The following BACH1 variants were observed in gnomAD, a reference collection of about 807,000 sequenced individuals.
BACH1 encodes BTB domain and CNC homolog 1.
A neutral mutation model predicts 52.9 loss-of-function variants in BACH1; 35 were observed. That is an observed-to-expected ratio of 0.66 (90% CI 0.51 to 0.88). The LOEUF (loss-of-function observed/expected upper bound fraction) is 0.88. Among genes scored for constraint, BACH1 ranks in the 40% least tolerant of loss-of-function variants. The pLI is 0.00. For synonymous variants in BACH1, 321 were observed against 319.6 expected (o/e 1.00, Z -0.05); for missense variants, 808 against 872.6 (o/e 0.93, Z 0.93).
At chr21:29,342,198 T>C (rs2089121476) in intron 4 of BACH1, among the ~76,000 whole-genome samples, 1 of 152,224 alleles carries the variant, frequency 6.6e-6, no homozygotes, top group East Asian at 1.9e-4. Context: ...AAATGCTTTG[T>C]GCCAAAATAC....
At chr21:29,355,005 C>T (rs1569027512) in intron 2 of BACH1, among the ~76,000 whole-genome samples, 2 of 152,142 alleles carry the variant, frequency 1.3e-5, no homozygotes, top group Admixed American at 1.3e-4. Context: ...GATCTTGCAG[C>T]AGCAAGATTT....
At chr21:29,356,827 A>G (rs1165756526) in intron 2 of BACH1, among the ~76,000 whole-genome samples, 1 of 150,658 alleles carries the variant, frequency 6.6e-6, no homozygotes, top group African/African-American at 2.4e-5. Context: ...AATAGGGTAC[A>G]CTGTTTTTCC....
In BACH1 at chr21:29,321,503, C is replaced by T; in HGVS notation, c.223C>T (p.Leu75Phe). 3.1e-6 allele frequency: 5 copies of T among 1,613,380 alleles called. No individual in the cohort carries two copies. The highest frequency in any genetic ancestry group is 4.2e-6 in the Non-Finnish European group (5 of 1,179,314). Reference sequence around the variant, plus strand: ...GGCTGATGGAGAGCTGAACATTACTCTTCCAGAAGAGGTGAGAGATCCATG... The same window carrying T: ...GGCTGATGGAGAGCTGAACATTACTTTTCCAGAAGAGGTGAGAGATCCATG... Reference protein sequence around the residue: ...GQADGELNITLPEEVTVKGFE... With the variant: ...GQADGELNITFPEEVTVKGFE... The change falls in exon 2 of 5, where the codon CTT becomes TTT. Residue 75 changes from leucine to phenylalanine, a missense_variant. Leu to Phe is a conservative substitution (Grantham distance 22). Transcript: ENST00000286800.
intron 1 of BACH1, among the ~76,000 whole-genome samples, chr21:29,319,417 G>GT (rs2088823724): frequency 6.6e-6 from 1 of 151,912 alleles, no homozygotes; most frequent in South Asian, 2.1e-4. Flanking sequence ...TAGGAGGACT[G>GT]TTTTTTCTGA....
chr21:29,342,410 G>A lies in BACH1; in HGVS notation c.1788G>A (p.Lys596=). 6.2e-7 allele frequency: 1 copy of A among 1,612,904 alleles called. No homozygotes were observed. Among genetic ancestry groups the A allele is most frequent in the Non-Finnish European group, 8.5e-7 (1 of 1,179,222 alleles). ...ESEIEKLQSE[K]ESLLKERDHI... Reference sequence around the variant, plus strand: ...TCCCCACTTCACAGCAAAGTGAAAAGGAGAGCTTGTTGAAGGAAAGAGATC... The same window carrying A: ...TCCCCACTTCACAGCAAAGTGAAAAAGAGAGCTTGTTGAAGGAAAGAGATC... The change falls in exon 5 of 5, where the codon AAG becomes AAA. Residue 596 remains lysine (K), a synonymous_variant. Coordinates refer to ENST00000286800, the MANE Select transcript of BACH1 (RefSeq NM_001186.4).
intron 1 of BACH1, among the ~76,000 whole-genome samples, chr21:29,309,969 C>T (rs182422333): frequency 5.6e-4 from 86 of 152,318 alleles, no homozygotes; most frequent in African/African-American, 2.0e-3. Flanking sequence ...CTAGACTTGA[C>T]TTGATGGGTC....
intron 1 of BACH1, among the ~76,000 whole-genome samples, chr21:29,316,052 C>A (rs1317543409): frequency 6.6e-6 from 1 of 152,030 alleles, no homozygotes; most frequent in South Asian, 2.1e-4. Flanking sequence ...AACATATAAT[C>A]TATTGAAACT....
intron 1 of BACH1, among the ~76,000 whole-genome samples, chr21:29,319,371 T>C (rs140101229): frequency 2.0e-5 from 3 of 152,108 alleles, no homozygotes; most frequent in East Asian, 3.9e-4. Context: ...ACATTACAGA[T>C]TGTTTTCAAC....
chr21:29,351,591 T>A, intron 2 of BACH1: 1 of 534,540 alleles, frequency 1.9e-6, no homozygotes, highest in Non-Finnish European at 3.8e-6. Flanking sequence ...GAAGACCTCA[T>A]CTATTATGCT....
At chr21:29,348,262 A>G (rs2089181955), downstream of BACH1, among the ~76,000 whole-genome samples, 1 of 152,194 alleles carries the variant, frequency 6.6e-6, no homozygotes, top group Non-Finnish European at 1.5e-5. Flanking sequence ...AGAAGGAACT[A>G]GGTTTGAGGC....
intron 2 of BACH1, among the ~76,000 whole-genome samples, chr21:29,323,019 ATTCT>A (rs1475106895): frequency 1.4e-4 from 10 of 70,720 alleles, no homozygotes; most frequent in Non-Finnish European, 4.9e-5. Flanking sequence ...GCATTCATTC[ATTCT>A]TTCTAATGTG....
Position 29,344,997 on chromosome 21 carries a change from C to T in BACH1, c.*2164C>T, listed in dbSNP as rs2089154756. On this transcript the variant is annotated 3_prime_UTR_variant, in exon 5 of 5. Coordinates refer to ENST00000286800, the MANE Select transcript of BACH1 (RefSeq NM_001186.4). ...AGCACTTGGTTTAAATTTCTCTCTA[C>T]CTATAAACAGTTTAGCATTAAGGGT... 1 of 152,588 alleles carries T rather than the reference C, an allele frequency of 6.6e-6. No individual in the cohort carries two copies. Among genetic ancestry groups the T allele is most frequent in the African/African-American group, 2.4e-5 (1 of 41,424 alleles). The allele number at this position is 152,588 out of a possible 1,614,324, so 9.5% of individuals were successfully genotyped here. A position where few individuals can be genotyped will look rare whatever the true frequency, so the allele number is the denominator to read the frequency against.
chr21:29,355,255 G>A (rs1040456856), intron 2 of BACH1, among the ~76,000 whole-genome samples: 4 of 152,036 alleles, frequency 2.6e-5, no homozygotes, highest in Non-Finnish European at 5.9e-5. Flanking sequence ...TGATTGGTCC[G>A]TTTTTACAGA....
chr21:29,355,701 G>A lies in BACH1; in HGVS notation c.472+26008G>A, dbSNP rs544622704. 1.4e-4 allele frequency among the ~76,000 whole-genome samples: 22 copies of A among 152,234 alleles called. No individual in the cohort carries two copies. The East Asian group carries it at 2.3e-3, about 16-fold the overall frequency. ...AGACCATCTGTAGCTTGATGGCCTC[G>A]ATTCTAGAGGAAACAGATTTGACAA... On this transcript the variant is annotated intron_variant, in intron 2 of 4. Coordinates refer to the BACH1 transcript ENST00000422809.
intron 4 of BACH1, among the ~76,000 whole-genome samples, chr21:29,333,412 A>G (rs528341798): frequency 6.6e-6 from 1 of 152,252 alleles, no homozygotes; most frequent in Non-Finnish European, 1.5e-5. Flanking sequence ...TGAAAGTAAC[A>G]TGGCCAATAA....
intron 1 of BACH1, among the ~76,000 whole-genome samples, chr21:29,320,664 T>C (rs1441528304): frequency 6.6e-6 from 1 of 152,374 alleles, no homozygotes; most frequent in African/African-American, 2.4e-5. Context: ...TTCTTGGTGC[T>C]GGAGGAACTT....
At position 29,342,875 on chromosome 21, in the gene BACH1, A is replaced by G. The variant is rs539853991; in HGVS notation, c.*42A>G. On this transcript the variant is annotated 3_prime_UTR_variant, in exon 5 of 5. Coordinates refer to ENST00000286800, the MANE Select transcript of BACH1 (RefSeq NM_001186.4). ...TTCAAACCATCTAATTTTCTCCTGA[A>G]GTTTTGGCAGCGTCTTGAAAGCCTA... is the stretch of plus-strand genomic sequence containing the variant. The G allele has an allele frequency of 2.6e-6, 4 of 1,525,196 alleles. No individual in the cohort carries two copies. The South Asian group carries it at 3.9e-5, about 15-fold the overall frequency. The allele number at this position is 1,525,196 out of a possible 1,614,324, so 94.5% of individuals were successfully genotyped here. A position where few individuals can be genotyped will look rare whatever the true frequency, so the allele number is the denominator to read the frequency against.
rs74818748 is a variant in BACH1, at chr21:29,351,730, C to T, written c.472+22037C>T. On this transcript the variant is annotated intron_variant, in intron 2 of 4. Coordinates refer to the BACH1 transcript ENST00000422809. ...CAGCTCTGTTTCAGCTAAACAGTAA[C>T]ATCTGGGAGGGAAGCTTAATGTGGA... 4.5e-4 allele frequency: 241 copies of T among 534,716 alleles called. 2 individuals carry two copies. In the East Asian group the frequency reaches 0.011, roughly 25 times the overall value. 33.1% of individuals were successfully genotyped at this position (534,716 alleles called of 1,614,324 possible).
chr21:29,329,496 C>A lies in BACH1; in HGVS notation c.1579C>A (p.Pro527Thr). Residue 527 changes from proline (P) to threonine (T), a missense_variant, in exon 4 of 5, where the codon CCA (proline) becomes ACA (threonine). Coordinates refer to ENST00000286800, the MANE Select transcript of BACH1 (RefSeq NM_001186.4). ...TTATTTCATATTCTAGGTAAAACTG[C>A]CATTCAATGCACAACGGATAATTTC... ...AREQECEVKLPFNAQRIISLS... is the reference protein window; with the variant it reads ...AREQECEVKLTFNAQRIISLS... 1 of 1,550,904 alleles carries A rather than the reference C, an allele frequency of 6.4e-7. No homozygotes were observed. The highest frequency in any genetic ancestry group is 8.7e-7 in the Non-Finnish European group (1 of 1,152,148).
Sources: gnomAD v4.1 joint callset for allele counts (sites outside exome capture counted in the v4.1 genomes callset) on GRCh38, gnomAD v4.1.1 for gene constraint, MANE v1.5 for transcripts, NCBI Gene and HGNC (gene_info 2026-07-23, HGNC 2026-07-21) for gene names.